The following CALU variants were observed in gnomAD, a reference collection of about 807,000 sequenced individuals.
CALU encodes IEF SSP 9302.
CALU carries 13 observed loss-of-function variants against 37.5 expected under a neutral mutation model. The observed-to-expected ratio is 0.35, with a 90% CI of 0.23 to 0.55. The LOEUF is 0.55. Ranked by LOEUF, CALU falls within the 20% of genes least tolerant of loss-of-function variation. The probability of loss-of-function intolerance (pLI) is 0.89; values close to 1 mark genes in which losing one functional copy is unlikely to be tolerated. For missense variants in CALU, 282 were observed against 391.7 expected (o/e 0.72, Z 2.36); for synonymous variants, 114 against 133.8 (o/e 0.85, Z 1.02).
chr7:128,749,205 G>A (rs1220930755), intron 2 of CALU, among the ~76,000 whole-genome samples: 1 of 152,168 alleles, frequency 6.6e-6, no homozygotes, highest in Non-Finnish European at 1.5e-5. Context: ...CTAATAAACG[G>A]CACATTGGAT....
At chr7:128,752,213 C>CT (rs1563129611) in intron 2 of CALU, among the ~76,000 whole-genome samples, 2 of 151,962 alleles carry the variant, frequency 1.3e-5, no homozygotes, top group Non-Finnish European at 2.9e-5. Flanking sequence ...CTATCTGTCC[C>CT]TTTTTTAAAA....
intron 2 of CALU, among the ~76,000 whole-genome samples, chr7:128,750,758 A>G (rs1392571209): frequency 6.6e-6 from 1 of 152,116 alleles, no homozygotes; most frequent in South Asian, 2.1e-4. Context: ...TCTTTTTTCC[A>G]TCTGTCTATA....
intron 2 of CALU, among the ~76,000 whole-genome samples, chr7:128,752,680 A>G (rs1800722060): frequency 6.6e-6 from 1 of 152,192 alleles, no homozygotes; most frequent in Non-Finnish European, 1.5e-5. Flanking sequence ...GAGGATATTT[A>G]AGAGATAACT....
At chr7:128,759,735 T>G (rs1264565441) in intron 4 of CALU, 57 bp from the exon 5 acceptor site, 9 of 887,438 alleles carry the variant, frequency 1.0e-5, no homozygotes, top group Non-Finnish European at 1.3e-5. Context: ...TACTTTACTT[T>G]CTTCTGGCAA....
chr7:128,743,964 G>A (rs1340272468), intron 1 of CALU, among the ~76,000 whole-genome samples: 2 of 152,164 alleles, frequency 1.3e-5, no homozygotes, highest in Non-Finnish European at 1.5e-5. Flanking sequence ...CCGACACTTT[G>A]GGAGGCCGAG....
rs1801387385 is a variant in CALU, at chr7:128,767,654, A to G, written c.842A>G (p.Lys281Arg). The part of the protein sequence containing the change: ...RHLVYESDQN[K>R]DGKLTKEEIV... ...CTGGTCTATGAATCAGACCAAAACA[A>G]GGTAAGTCTGGCGAGGCCCACACGC... The change falls in exon 6 of 7, where the codon AAG becomes AGG. Residue 281 changes from lysine to arginine, a missense_variant and splice_region_variant. Transcript: ENST00000249364. The G allele has an allele frequency of 2.5e-6, 4 of 1,613,554 alleles. No individual in the cohort carries two copies. The highest frequency in any genetic ancestry group is 3.4e-6 in the Non-Finnish European group (4 of 1,179,604).
At chr7:128,757,194 G>A (rs983281316) in intron 3 of CALU, among the ~76,000 whole-genome samples, 2 of 152,168 alleles carry the variant, frequency 1.3e-5, no homozygotes, top group African/African-American at 4.8e-5. Context: ...CCCAAGGAGG[G>A]GAGGAGAGCA....
At chr7:128,743,514 ACTTTTTTTTTTCTTTTT>A (rs955108201) in intron 1 of CALU, among the ~76,000 whole-genome samples, 3 of 151,044 alleles carry the variant, frequency 2.0e-5, no homozygotes, top group African/African-American at 7.3e-5. Context: ...TCCAATTTAA[ACTTTTTTTTTTCTTTTT>A]CTTTTTTTGA....
chr7:128,746,786 T>TTTTG (rs1294476461), intron 1 of CALU, among the ~76,000 whole-genome samples: 1 of 131,354 alleles, frequency 7.6e-6, no homozygotes, highest in Non-Finnish European at 1.6e-5. Context: ...TTTTTTTTTT[T>TTTTG]GAGACGGAGT....
chr7:128,769,028 GTTC>G (rs748942895), intron 6 of CALU, 32 bp from the exon 7 acceptor site: 17 of 1,194,562 alleles, frequency 1.4e-5, no homozygotes, highest in Non-Finnish European at 1.9e-5. Flanking sequence ...TGGGAAATAT[GTTC>G]TTCTTCAATT....
At chr7:128,760,263 T>C (rs2128881504) in intron 5 of CALU, among the ~76,000 whole-genome samples, 1 of 152,308 alleles carries the variant, frequency 6.6e-6, no homozygotes, top group South Asian at 2.1e-4. Context: ...CAATTCTCAC[T>C]AGCTCATTAG....
intron 1 of CALU, among the ~76,000 whole-genome samples, chr7:128,745,423 T>A (rs1800393512): frequency 6.7e-6 from 1 of 149,944 alleles, no homozygotes; most frequent in Non-Finnish European, 1.5e-5. Flanking sequence ...CTGGGCAACA[T>A]AGTGAGACTC....
intron 1 of CALU, chr7:128,748,104 T>C (rs1296630406): frequency 5.4e-6 from 2 of 368,446 alleles, no homozygotes; most frequent in Non-Finnish European, 9.7e-6. Flanking sequence ...TGAATTCAGC[T>C]TCAGAGACTC....
At chr7:128,754,681 C>T (rs1800803604) in intron 3 of CALU, 2 of 1,552,010 alleles carry the variant, frequency 1.3e-6, no homozygotes, top group African/African-American at 1.4e-5. Flanking sequence ...GGCTTAATCT[C>T]CTGGGATGAG....
At chr7:128,746,691 A>G (rs892888547) in intron 1 of CALU, among the ~76,000 whole-genome samples, 1 of 150,970 alleles carries the variant, frequency 6.6e-6, no homozygotes, top group African/African-American at 2.4e-5. Context: ...GATGCAAGTG[A>G]TCCGCCTGCA....
intron 5 of CALU, among the ~76,000 whole-genome samples, chr7:128,763,398 ATG>A (rs1456376471): frequency 2.0e-5 from 3 of 151,954 alleles, no homozygotes; most frequent in Non-Finnish European, 2.9e-5. Flanking sequence ...GTGTGGTGGC[ATG>A]TGCCTGTGTA....
intron 3 of CALU, among the ~76,000 whole-genome samples, chr7:128,755,778 C>G (rs1800859883): frequency 6.6e-6 from 1 of 152,124 alleles, no homozygotes; most frequent in African/African-American, 2.4e-5. Flanking sequence ...TACATGGTTA[C>G]AGTTTAAGAC....
At chr7:128,760,735 T>C (rs1326398944) in intron 5 of CALU, among the ~76,000 whole-genome samples, 3 of 152,128 alleles carry the variant, frequency 2.0e-5, no homozygotes, top group South Asian at 2.1e-4. Flanking sequence ...AGTGAAACCC[T>C]GTCTCTACTA....
intron 3 of CALU, among the ~76,000 whole-genome samples, chr7:128,756,276 A>G (rs77825241): frequency 0.06 from 9,153 of 152,336 alleles, 318 homozygotes; most frequent in Non-Finnish European, 0.069. Context: ...CTTGCTGCCC[A>G]GAATGATTCT....
Sources: gnomAD v4.1 joint callset for allele counts (sites outside exome capture counted in the v4.1 genomes callset) on GRCh38, gnomAD v4.1.1 for gene constraint, MANE v1.5 for transcripts, NCBI Gene and HGNC (gene_info 2026-07-23, HGNC 2026-07-21) for gene names.